CMYA5: variants seen among roughly 807,000 people sequenced by gnomAD.
CMYA5 encodes the protein cardiomyopathy-associated protein 5.
Under a neutral mutation model 318.9 loss-of-function variants are expected in CMYA5, and 246 were observed. The observed-to-expected ratio is 0.77, with a 90% confidence interval of 0.70 to 0.86. The LOEUF is 0.86. Ranked by LOEUF, CMYA5 falls within the 40% of genes least tolerant of loss-of-function variation. The pLI, the probability that CMYA5 is intolerant of heterozygous loss-of-function variation, is 0.00. For missense variants in CMYA5, 4,589 were observed against 4,678.2 expected, an observed-to-expected ratio of 0.98 and a Z score of 0.56; for synonymous variants, 1,641 against 1,729.5, an observed-to-expected ratio of 0.95 and a Z score of 1.27.
chr5:79,734,166 CAG>C lies in CMYA5; in HGVS notation c.5402_5403del (p.Gln1801ArgfsTer15). On this transcript the variant is annotated frameshift_variant, in exon 2 of 13. Transcript: ENST00000446378. LOFTEE classifies it high-confidence loss of function. ...AGAAACAGGCCACCCAAATTCATCC[CAG>C]GTACTCCAGAGTATAACAGAACCAT... ...SEETGHPNSS[Q>X]VLQSITEPSK... 6.2e-7 allele frequency: 1 copy of C among 1,613,808 alleles called. No homozygotes were observed. Among genetic ancestry groups the C allele is most frequent in the Non-Finnish European group, 8.5e-7 (1 of 1,179,812 alleles).
intron 9 of CMYA5, among the ~76,000 whole-genome samples, chr5:79,768,798 C>T (rs919386538): frequency 5.3e-5 from 8 of 152,112 alleles, no homozygotes; most frequent in African/African-American, 1.7e-4. Context: ...CAAGGAGTAT[C>T]TTTGTGGTGG....
chr5:79,715,381 G>A (rs966554591), intron 1 of CMYA5, among the ~76,000 whole-genome samples: 27 of 152,050 alleles, frequency 1.8e-4, no homozygotes, highest in African/African-American at 6.0e-4. Flanking sequence ...TCCGCCTCCC[G>A]GGTTCACGCC....
In CMYA5 at chr5:79,794,532, G is replaced by A. The variant is rs62363714; in HGVS notation, c.11963+922G>A. On this transcript the variant is annotated intron_variant, in intron 12 of 12. Coordinates refer to ENST00000446378, the MANE Select transcript of CMYA5 (RefSeq NM_153610.5). ...TCAATTAGCCTCCTGTTGGCTGTTTGCCATAAGTGGGTTAACCCTTTGAGC... is the reference window on the plus strand; with the variant it reads ...TCAATTAGCCTCCTGTTGGCTGTTTACCATAAGTGGGTTAACCCTTTGAGC... Among the ~76,000 whole-genome samples, 8 of 152,296 alleles carry A rather than the reference G, an allele frequency of 5.3e-5. No homozygotes were observed. In the East Asian group the frequency reaches 1.5e-3, roughly 29 times the overall value.
chr5:79,736,966 T>C lies in CMYA5; in HGVS notation c.8201T>C (p.Ile2734Thr), dbSNP rs1206880593. The C allele has an allele frequency of 1.6e-5, 25 of 1,612,776 alleles. No individual in the cohort carries two copies. The highest frequency in any genetic ancestry group is 2.7e-5 in the African/African-American group (2 of 74,586). Reference protein sequence around the residue: ...LPVVLSCHDEIENHSLSQEGN... With the variant: ...LPVVLSCHDETENHSLSQEGN... ...GTGGTTCTTTCTTGTCATGATGAAA[T>C]AGAGAACCACTCTTTGTCTCAGGAA... is the stretch of plus-strand genomic sequence containing the variant. Residue 2734 changes from isoleucine to threonine, a missense_variant, in exon 2 of 13, where the codon ATA becomes ACA. By Grantham distance (89) the Ile-to-Thr change is moderately conservative. Transcript: ENST00000446378.
chr5:79,796,324 AT>A (rs34069132), intron 12 of CMYA5, among the ~76,000 whole-genome samples: 10,587 of 149,546 alleles, frequency 0.071, 392 homozygotes, highest in East Asian at 0.11. Context: ...TTTAACTTTA[AT>A]TTTTTTTTTT....
Position 79,747,026 on chromosome 5 carries a change from C to T in CMYA5, c.10969-65C>T, listed in dbSNP as rs12189325. The T allele has an allele frequency of 1.7e-3, 1,572 of 946,654 alleles. 8 individuals carry two copies. Among genetic ancestry groups the T allele is most frequent in the Non-Finnish European group, 1.9e-3 (1,169 of 619,076 alleles). 58.6% of individuals were successfully genotyped at this position (946,654 alleles called of 1,614,324 possible). On this transcript the variant is annotated intron_variant, in intron 4 of 12. Coordinates refer to ENST00000446378, the MANE Select transcript of CMYA5 (RefSeq NM_153610.5). ...TTTTCTTTCTGTTGTTAATTAGCTTCTCTCTCTCTTTCTCTCTCTCTTTTT... is the reference window on the plus strand; with the variant it reads ...TTTTCTTTCTGTTGTTAATTAGCTTTTCTCTCTCTTTCTCTCTCTCTTTTT...
Position 79,729,517 on chromosome 5 carries a change from G to A in CMYA5, c.752G>A (p.Gly251Asp). Residue 251 changes from glycine (G) to aspartate (D), a missense_variant, in exon 2 of 13, where the codon GGT becomes GAT. Coordinates refer to ENST00000446378, the MANE Select transcript of CMYA5 (RefSeq NM_153610.5). ...CAATTTTATGGAACATTGCCAAAGG[G>A]TTATGTAATTAAAGAAATACATTAT... ...PLQFYGTLPK[G>D]YVIKEIHYRK... 1 of 1,611,806 alleles carries A rather than the reference G, an allele frequency of 6.2e-7. No individual in the cohort carries two copies. The highest frequency in any genetic ancestry group is 2.2e-5 in the East Asian group (1 of 44,866).
In CMYA5 at chr5:79,730,946, T is replaced by C. The variant is rs1827880919; in HGVS notation, c.2181T>C (p.Ser727=). The C allele has an allele frequency of 6.2e-7, 1 of 1,613,898 alleles. No individual in the cohort carries two copies. Among genetic ancestry groups the C allele is most frequent in the Admixed American group, 1.7e-5 (1 of 60,002 alleles). The change falls in exon 2 of 13, where the codon TCT becomes TCC. Residue 727 remains serine (S), a synonymous_variant. Transcript: ENST00000446378. ...CCCCGTTAATATTGAAAGGTGTTTCTGAGTACATGATTCCATCAGAAGAGA... is the reference window on the plus strand; with the variant it reads ...CCCCGTTAATATTGAAAGGTGTTTCCGAGTACATGATTCCATCAGAAGAGA... ...RKSPLILKGV[S]EYMIPSEEKE...
At chr5:79,710,688 T>C (rs1278657467) in intron 1 of CMYA5, among the ~76,000 whole-genome samples, 3 of 152,166 alleles carry the variant, frequency 2.0e-5, no homozygotes, top group African/African-American at 7.2e-5. Flanking sequence ...AATTTATATT[T>C]GGTTATTAGA....
chr5:79,744,150 C>A (rs1274367868), intron 3 of CMYA5, among the ~76,000 whole-genome samples: 2 of 152,212 alleles, frequency 1.3e-5, no homozygotes, highest in Non-Finnish European at 2.9e-5. Context: ...GACAGACATG[C>A]ATTTATTAAC....
At position 79,745,369 on chromosome 5, in the gene CMYA5, T is replaced by C. The variant is rs376867030; in HGVS notation, c.10882T>C (p.Phe3628Leu). The C allele has an allele frequency of 5.6e-6, 9 of 1,613,842 alleles. No individual in the cohort carries two copies. Among genetic ancestry groups the C allele is most frequent in the African/African-American group, 1.3e-5 (1 of 74,922 alleles). The change falls in exon 4 of 13, where the codon TTT becomes CTT. Residue 3628 changes from phenylalanine to leucine, a missense_variant. Phe to Leu is a conservative substitution (Grantham distance 22). This residue lies in a region of CMYA5 where 2,431 missense variants were observed against 2,495.1 expected (regional missense o/e 0.97). Coordinates refer to ENST00000446378, the MANE Select transcript of CMYA5 (RefSeq NM_153610.5). ...MEFLHEQMVH[F>L]LQSMDTAKDT... ...GTTCCTGCATGAGCAGATGGTCCAC[T>C]TTCTGCAGAGCATGGACACTGCCAA...
At chr5:79,710,984 A>G (rs762773335) in intron 1 of CMYA5, among the ~76,000 whole-genome samples, 35 of 152,320 alleles carry the variant, frequency 2.3e-4, no homozygotes, top group Admixed American at 2.2e-3. Flanking sequence ...AAGTTTTCCA[A>G]TAATCTAACT....
In CMYA5 at chr5:79,735,669, A is replaced by G. The variant is rs1245631616; in HGVS notation, c.6904A>G (p.Asn2302Asp). Reference sequence around the variant, plus strand: ...AATCTCAGGCGATTCAGAGGAAATGAACATAAACTCAGTAGTTACTTCTGC... The same window carrying G: ...AATCTCAGGCGATTCAGAGGAAATGGACATAAACTCAGTAGTTACTTCTGC... Reference protein sequence around the residue: ...KEISGDSEEMNINSVVTSADG... With the variant: ...KEISGDSEEMDINSVVTSADG... The change falls in exon 2 of 13, where the codon AAC (asparagine) becomes GAC (aspartate). Residue 2302 changes from asparagine to aspartate, a missense_variant. By Grantham distance (23) the Asn-to-Asp change is conservative (BLOSUM62 1). Transcript: ENST00000446378. 6.2e-6 allele frequency: 10 copies of G among 1,612,774 alleles called. No homozygotes were observed. The highest frequency in any genetic ancestry group is 1.1e-5 in the South Asian group (1 of 90,610).
rs150802939 is a variant in CMYA5 at position 79,729,126 on chromosome 5, G to C, written c.361G>C (p.Val121Leu). 1.8e-3 allele frequency: 2,831 copies of C among 1,613,354 alleles called. 3 individuals carry two copies. Among genetic ancestry groups the C allele is most frequent in the Non-Finnish European group, 2.1e-3 (2,513 of 1,179,672 alleles). ...AACTGTGAATTCTCCTCCTGGAAAT[G>C]TTTCCTTTATTGTGGATGAAGTGAA... The part of the protein sequence containing the change: ...GSTVNSPPGN[V>L]SFIVDEVKKV... Residue 121 changes from valine to leucine, a missense_variant, in exon 2 of 13, where the codon GTT becomes CTT. Around this residue, in one of 3 missense-constraint regions of CMYA5, gnomAD observed 2,132 missense variants for 2,131.3 expected, o/e 1.00. Coordinates refer to ENST00000446378, the MANE Select transcript of CMYA5 (RefSeq NM_153610.5).
chr5:79,717,709 A>G (rs1827546399), intron 1 of CMYA5, among the ~76,000 whole-genome samples: 1 of 152,164 alleles, frequency 6.6e-6, no homozygotes, highest in South Asian at 2.1e-4. Flanking sequence ...TCATTGTGAT[A>G]ACAGGATCCT....
In CMYA5 at chr5:79,689,882, G is replaced by GCCCCGGCTCCGGCCCCGT. The variant is rs1342874402; in HGVS notation, c.-19_-18insTCCGGCCCCGTCCCCGGC. On this transcript the variant is annotated 5_prime_UTR_variant, in exon 1 of 13. Coordinates refer to ENST00000446378, the MANE Select transcript of CMYA5 (RefSeq NM_153610.5). ...CGCGGCGCGGGCGGCTCCGGCTCCG[G>GCCCCGGCTCCGGCCCCGT]CCCCGGCCCAGGCCCGGGAGAGGCG... 3.4e-5 allele frequency: 24 copies of GCCCCGGCTCCGGCCCCGT among 713,068 alleles called. No individual in the cohort carries two copies. Among genetic ancestry groups the GCCCCGGCTCCGGCCCCGT allele is most frequent in the Middle Eastern group, 3.7e-4 (1 of 2,674 alleles). 44.2% of individuals were successfully genotyped at this position (713,068 alleles called of 1,614,324 possible).
At chr5:79,718,820 C>T (rs568757293) in intron 1 of CMYA5, among the ~76,000 whole-genome samples, 1 of 152,244 alleles carries the variant, frequency 6.6e-6, no homozygotes, top group African/African-American at 2.4e-5. Flanking sequence ...TTTAGCTGTA[C>T]AAATACTCAC....
chr5:79,712,212 G>A (rs1827405560), intron 1 of CMYA5, among the ~76,000 whole-genome samples: 1 of 152,094 alleles, frequency 6.6e-6, no homozygotes, highest in Non-Finnish European at 1.5e-5. Context: ...TTATTTATTT[G>A]TTGTTTGTTT....
At chr5:79,699,987 A>C (rs1253667004) in intron 1 of CMYA5, among the ~76,000 whole-genome samples, 1 of 152,242 alleles carries the variant, frequency 6.6e-6, no homozygotes, top group Non-Finnish European at 1.5e-5. Flanking sequence ...CTGGAGGGCC[A>C]AGCCCAAGAG....
Sources: gnomAD v4.1 joint callset for allele counts (sites outside exome capture counted in the v4.1 genomes callset) on GRCh38, gnomAD v4.1.1 for gene constraint, gnomAD v4.1.1 regional missense constraint, MANE v1.5 for transcripts, NCBI Gene and HGNC (gene_info 2026-07-23, HGNC 2026-07-21) for gene names.